Variants in KCNQ1 observed in about 807,000 individuals in gnomAD.
KCNQ1 encodes potassium voltage-gated channel subfamily KQT member 1.
In KCNQ1, 49 loss-of-function variants were observed where a neutral mutation model predicts 72.4. That is an observed-to-expected ratio of 0.68 (90% confidence interval 0.54 to 0.86). The LOEUF (loss-of-function observed/expected upper bound fraction) is 0.86, where lower values mean the gene tolerates loss of function less well. Among genes scored for constraint, KCNQ1 ranks in the 40% least tolerant of loss-of-function variants. KCNQ1 has a pLI of 0.00. For missense variants in KCNQ1, 790 were observed against 945.1 expected (o/e 0.84, Z 2.15); for synonymous variants, 450 against 412.6 (o/e 1.09, Z -1.10).
chr11:2,610,481 A>G (rs572123569), intron 10 of KCNQ1: 1 of 398,310 alleles, frequency 2.5e-6, no homozygotes, highest in South Asian at 1.3e-4. Flanking sequence ...TGAGTTACCA[A>G]CTGGTGGTAT....
chr11:2,494,694 T>A lies in KCNQ1; in HGVS notation c.387-33234T>A, dbSNP rs1225567786. Among the ~76,000 whole-genome samples, 1 of 152,244 alleles carries A rather than the reference T, an allele frequency of 6.6e-6. No individual in the cohort carries two copies. Among genetic ancestry groups the A allele is most frequent in the East Asian group, 1.9e-4 (1 of 5,200 alleles). On this transcript the variant is annotated intron_variant, in intron 1 of 15. Coordinates refer to ENST00000155840, the MANE Select transcript of KCNQ1 (RefSeq NM_000218.3). This position sits in a 1 kb window ranked among gnomAD's most constrained non-coding sequence, Gnocchi z 4.6. ...CTTGCATCCCAGGGATGAAGCCCAC[T>A]TGATCACCATGGATAAGCTTTTTGA... is the stretch of plus-strand genomic sequence containing the variant.
rs1172783043 is a variant in KCNQ1 at position 2,608,683 on chromosome 11, TGAACTCCTGGCCACAAGCAATTCTC to T, written c.1393+19855_1393+19879del. 8,656 of 397,144 alleles carry T rather than the reference TGAACTCCTGGCCACAAGCAATTCTC, an allele frequency of 0.022. 617 individuals carry two copies. The highest frequency in any genetic ancestry group is 0.16 in the African/African-American group (7,671 of 47,352). 24.6% of individuals were successfully genotyped at this position (397,144 alleles called of 1,614,324 possible). ...CTTGCTTTGTTGTGCATGCTATTCT[TGAACTCCTGGCCACAAGCAATTCTC>T]GAACTCCTGGCCACAAGCAATTCTC... On this transcript the variant is annotated intron_variant, in intron 10 of 15. Coordinates refer to ENST00000155840, the MANE Select transcript of KCNQ1 (RefSeq NM_000218.3). This position sits in a 1 kb window ranked among gnomAD's most constrained non-coding sequence, Gnocchi z 4.6.
Position 2,478,919 on chromosome 11 carries a change from A to G in KCNQ1, c.386+33435A>G, listed in dbSNP as rs920249479. On this transcript the variant is annotated intron_variant, in intron 1 of 15. Transcript: ENST00000155840. The surrounding 1 kb of genome is among the most constrained non-coding windows in gnomAD (Gnocchi z 4.0). ...CAATTAGGGTACAGGCCTTGGATAA[A>G]TACACCCATTTGAAATGGGAGTAAT... is the stretch of plus-strand genomic sequence containing the variant. Among the ~76,000 whole-genome samples, 1 of 152,208 alleles carries G rather than the reference A, an allele frequency of 6.6e-6. No homozygotes were observed. Among genetic ancestry groups the G allele is most frequent in the African/African-American group, 2.4e-5 (1 of 41,460 alleles).
In KCNQ1 at chr11:2,803,977, GC is replaced by G. The variant is rs1847325502; in HGVS notation, c.1794+25944del. ...GAGCCTTGGCCAGCATGTGGCCGCAGCCCCAACTGCAGCGGAAGGTATCGGG... is the reference window on the plus strand; with the variant it reads ...GAGCCTTGGCCAGCATGTGGCCGCAGCCCAACTGCAGCGGAAGGTATCGGG... On this transcript the variant is annotated intron_variant, in intron 15 of 15. Coordinates refer to ENST00000155840, the MANE Select transcript of KCNQ1 (RefSeq NM_000218.3). The surrounding 1 kb of genome is among the most constrained non-coding windows in gnomAD (Gnocchi z 6.4). Among the ~76,000 whole-genome samples, 1 of 152,162 alleles carries G rather than the reference GC, an allele frequency of 6.6e-6. No individual in the cohort carries two copies. Among genetic ancestry groups the G allele is most frequent in the South Asian group, 2.1e-4 (1 of 4,818 alleles).
chr11:2,625,938 A>G (rs570457623), intron 10 of KCNQ1: 3 of 398,638 alleles, frequency 7.5e-6, no homozygotes, highest in African/African-American at 2.1e-5. Flanking sequence ...TAATCTGGAC[A>G]TTAATCCCTT....
At position 2,565,361 on chromosome 11, in the gene KCNQ1, C is replaced by CTGA. The variant is rs1443584789; in HGVS notation, c.478-5262_478-5260dup. ...CGTTGTGGTCTTGATTTGCATTTCC[C>CTGA]TGATGATTAGTGACACTGGGCACCT... is the stretch of plus-strand genomic sequence containing the variant. On this transcript the variant is annotated intron_variant, in intron 2 of 15. Transcript: ENST00000155840. This position sits in a 1 kb window ranked among gnomAD's most constrained non-coding sequence, Gnocchi z 5.6. Among the ~76,000 whole-genome samples, 1 of 152,144 alleles carries CTGA rather than the reference C, an allele frequency of 6.6e-6. No homozygotes were observed. Among genetic ancestry groups the CTGA allele is most frequent in the Non-Finnish European group, 1.5e-5 (1 of 68,032 alleles).
At position 2,471,756 on chromosome 11, in the gene KCNQ1, A is replaced by G. The variant is rs1846468742; in HGVS notation, c.386+26272A>G. ...TGTATGTGTGCATGGGCGTGTGTGT[A>G]CTTGTGTATGGGTGTGTGCATGTGA... On this transcript the variant is annotated intron_variant, in intron 1 of 15. Transcript: ENST00000155840. This position sits in a 1 kb window ranked among gnomAD's most constrained non-coding sequence, Gnocchi z 4.8. 1.4e-5 allele frequency among the ~76,000 whole-genome samples: 2 copies of G among 145,170 alleles called. No individual in the cohort carries two copies. The highest frequency in any genetic ancestry group is 2.2e-4 in the South Asian group (1 of 4,618).
chr11:2,631,368 G>A, intron 10 of KCNQ1: 1 of 398,088 alleles, frequency 2.5e-6, no homozygotes, highest in East Asian at 3.6e-5. Context: ...GTCTGCTGCT[G>A]ATGCTTTCTA....
intron 2 of KCNQ1, among the ~76,000 whole-genome samples, chr11:2,532,168 G>T (rs545565074): frequency 5.3e-4 from 80 of 152,258 alleles, no homozygotes; most frequent in African/African-American, 1.9e-3. Context: ...GGTTCATGGG[G>T]CTCTGGGAGG....
chr11:2,757,406 G>A (rs1267374103), intron 11 of KCNQ1, among the ~76,000 whole-genome samples: 1 of 152,126 alleles, frequency 6.6e-6, no homozygotes, highest in Non-Finnish European at 1.5e-5. Flanking sequence ...ACTACAATAT[G>A]CCAATGAAAG....
At chr11:2,546,117 A>G (rs1199649018) in intron 2 of KCNQ1, among the ~76,000 whole-genome samples, 1 of 151,822 alleles carries the variant, frequency 6.6e-6, no homozygotes, top group East Asian at 1.9e-4. Flanking sequence ...TTTCTAATAC[A>G]GGCACTTGGT....
In KCNQ1 at chr11:2,579,324, AGG is replaced by A. The variant is rs1368428846; in HGVS notation, c.922-4109_922-4108del. On this transcript the variant is annotated intron_variant, in intron 6 of 15. Transcript: ENST00000155840. This position sits in a 1 kb window ranked among gnomAD's most constrained non-coding sequence, Gnocchi z 6.0. ...GGGAGTGAAGGCACAGGCCAGCAGG[AGG>A]GCGGGGGAAACACACTGACCAGTGG... Among the ~76,000 whole-genome samples, 2 of 152,198 alleles carry A rather than the reference AGG, an allele frequency of 1.3e-5. No homozygotes were observed. The highest frequency in any genetic ancestry group is 2.9e-5 in the Non-Finnish European group (2 of 68,032).
In KCNQ1 at chr11:2,492,307, CA is replaced by C. The variant is rs1227488659; in HGVS notation, c.387-35614del. On this transcript the variant is annotated intron_variant, in intron 1 of 15. Transcript: ENST00000155840. This position sits in a 1 kb window ranked among gnomAD's most constrained non-coding sequence, Gnocchi z 4.1. ...TAGGCAGTACAATAAGATATAGAGA[CA>C]AAAAAACTTAAAAAGCGGAGAGACA... Among the ~76,000 whole-genome samples the C allele has an allele frequency of 2.0e-5, 3 of 151,988 alleles. No homozygotes were observed. Among genetic ancestry groups the C allele is most frequent in the East Asian group, 1.9e-4 (1 of 5,200 alleles).
At position 2,463,645 on chromosome 11, in the gene KCNQ1, T is replaced by C. The variant is rs1355819524; in HGVS notation, c.386+18161T>C. 6.6e-6 allele frequency among the ~76,000 whole-genome samples: 1 copy of C among 152,110 alleles called. No individual in the cohort carries two copies. Among genetic ancestry groups the C allele is most frequent in the Non-Finnish European group, 1.5e-5 (1 of 67,976 alleles). On this transcript the variant is annotated intron_variant, in intron 1 of 15. Coordinates refer to ENST00000155840, the MANE Select transcript of KCNQ1 (RefSeq NM_000218.3). This position sits in a 1 kb window ranked among gnomAD's most constrained non-coding sequence, Gnocchi z 7.0. ...CAGCTGTGTTTATGGGTGTACTCCCTGTGCTGGGCACTGCGCTGAGCTCAA... is the reference window on the plus strand; with the variant it reads ...CAGCTGTGTTTATGGGTGTACTCCCCGTGCTGGGCACTGCGCTGAGCTCAA...
chr11:2,460,972 C>CTGCTA (rs927050682), intron 1 of KCNQ1, among the ~76,000 whole-genome samples: 5 of 152,178 alleles, frequency 3.3e-5, no homozygotes, highest in African/African-American at 1.2e-4. Flanking sequence ...CTGGGTGGTA[C>CTGCTA]TGCTGCAGGA....
intron 2 of KCNQ1, among the ~76,000 whole-genome samples, chr11:2,542,367 G>T (rs935672251): frequency 6.6e-6 from 1 of 152,250 alleles, no homozygotes; most frequent in Non-Finnish European, 1.5e-5. Flanking sequence ...CCCACCAAAG[G>T]CGCGCTAATT....
intron 2 of KCNQ1, among the ~76,000 whole-genome samples, chr11:2,535,639 GTC>G (rs916228109): frequency 1.3e-5 from 2 of 152,152 alleles, no homozygotes; most frequent in Non-Finnish European, 2.9e-5. Flanking sequence ...GCCCTGTGGC[GTC>G]TCTCTCATGC....
At position 2,648,968 on chromosome 11, in the gene KCNQ1, CT is replaced by C. The variant is rs1256301442; in HGVS notation, c.1394-12987del. The C allele has an allele frequency of 1.4e-5, 5 of 369,122 alleles. No individual in the cohort carries two copies. The East Asian group carries it at 1.9e-4, about 14-fold the overall frequency. The allele number at this position is 369,122 out of a possible 1,614,324, so 22.9% of individuals were successfully genotyped here. A position where few individuals can be genotyped will look rare whatever the true frequency, so the allele number is the denominator to read the frequency against. ...AATTATATAATGACCTCCTTTGTCT[CT>C]TTTTTCTTTTTCTTTTTTTTTTTTT... On this transcript the variant is annotated intron_variant, in intron 10 of 15. Transcript: ENST00000155840.
At position 2,599,128 on chromosome 11, in the gene KCNQ1, T is replaced by C. The variant is rs1848767920; in HGVS notation, c.1393+10274T>C. 6.6e-6 allele frequency among the ~76,000 whole-genome samples: 1 copy of C among 152,212 alleles called. No individual in the cohort carries two copies. The highest frequency in any genetic ancestry group is 1.5e-5 in the Non-Finnish European group (1 of 68,026). ...TATGTTTGCTTGGGCTCCCCTCCTC[T>C]CTGTTACCTATGTTGATAATCTAGG... is the stretch of plus-strand genomic sequence containing the variant. On this transcript the variant is annotated intron_variant, in intron 10 of 15. Coordinates refer to ENST00000155840, the MANE Select transcript of KCNQ1 (RefSeq NM_000218.3). The surrounding 1 kb of genome is among the most constrained non-coding windows in gnomAD (Gnocchi z 4.7).
Sources: gnomAD v4.1 joint callset for allele counts (sites outside exome capture counted in the v4.1 genomes callset) on GRCh38, gnomAD v4.1.1 for gene constraint, Gnocchi (gnomAD v3.1) non-coding constraint, MANE v1.5 for transcripts, NCBI Gene and HGNC (gene_info 2026-07-23, HGNC 2026-07-21) for gene names.